The following TAF1D variants were observed in gnomAD, a reference collection of about 807,000 sequenced individuals.
The protein encoded by TAF1D is TATA-box binding protein associated factor, RNA polymerase I subunit D.
TAF1D carries 23 observed loss-of-function variants against 26.2 expected under a neutral mutation model. The ratio of observed to expected loss-of-function variants is 0.88; its 90% CI spans 0.63 to 1.25. TAF1D has a LOEUF of 1.25. TAF1D is among the 50% of genes most tolerant of loss of function. The pLI is 0.00. For missense variants in TAF1D, 299 were observed against 322.0 expected (o/e 0.93, Z 0.55); for synonymous variants, 100 against 105.6 (o/e 0.95, Z 0.33).
rs78828455 is a variant in TAF1D at position 93,741,483 on chromosome 11, G to C, written c.-189C>G. 3,613 of 456,138 alleles carry C rather than the reference G, an allele frequency of 7.9e-3. 111 individuals are homozygous for C. The highest frequency in any genetic ancestry group is 0.066 in the African/African-American group (3,292 of 50,146). The allele number at this position is 456,138 out of a possible 1,614,324, so 28.3% of individuals were successfully genotyped here. The stretch of plus-strand genomic sequence containing the variant: ...TAACCAGCCGACCTCCTCCAACCGT[G>C]CGGAAGAAAAGGGTTGGCTATTTCC... On this transcript the variant is annotated 5_prime_UTR_variant, in exon 1 of 6. Transcript: ENST00000448108.
Position 93,737,325 on chromosome 11 carries a change from C to G in TAF1D, c.460-86G>C, listed in dbSNP as rs115489651. 3.4e-4 allele frequency: 302 copies of G among 890,692 alleles called. No homozygotes were observed. The African/African-American group carries it at 4.3e-3, about 13-fold the overall frequency. 55.2% of individuals were successfully genotyped at this position (890,692 alleles called of 1,614,324 possible). The stretch of plus-strand genomic sequence containing the variant: ...TATGTTCAAAAAGGGCAATGCCCCC[C>G]CTTAGCAAAGACTCTGAATTTGCTA... On this transcript the variant is annotated intron_variant, in intron 3 of 5. Coordinates refer to ENST00000448108, the MANE Select transcript of TAF1D (RefSeq NM_024116.4).
Position 93,739,942 on chromosome 11 carries a change from TAG to T in TAF1D, c.-27-613_-27-612del, listed in dbSNP as rs565603658. Among the ~76,000 whole-genome samples, 584 of 113,218 alleles carry T rather than the reference TAG, an allele frequency of 5.2e-3. 3 individuals carry two copies. The highest frequency in any genetic ancestry group is 0.011 in the Middle Eastern group (1 of 94). 74.3% of individuals were successfully genotyped at this position (113,218 alleles called of 152,430 possible). On this transcript the variant is annotated intron_variant, in intron 1 of 5. Transcript: ENST00000448108. ...AATTCTTGTGTCTTCATCCCCATGG[TAG>T]AGAGTATACAACATACCAAAAAAAA...
At chr11:93,739,583 CAA>C (rs1402410939) in intron 1 of TAF1D, among the ~76,000 whole-genome samples, 1 of 152,182 alleles carries the variant, frequency 6.6e-6, no homozygotes, top group African/African-American at 2.4e-5. Context: ...TCCCTTCCAA[CAA>C]AAGCATCTTT....
chr11:93,735,143 C>T (rs1565240847), downstream of TAF1D: 1 of 1,351,020 alleles, frequency 7.4e-7, no homozygotes, highest in Non-Finnish European at 9.8e-7. Context: ...AAAACTCATA[C>T]TGAACAATGA....
At chr11:93,739,018 ATTT>A in intron 2 of TAF1D, 1 of 543,004 alleles carries the variant, frequency 1.8e-6, no homozygotes. Flanking sequence ...CAAAGAATAC[ATTT>A]TTTCTCGACG....
At chr11:93,731,219 G>A (rs1165196312), downstream of TAF1D, 2 of 396,926 alleles carry the variant, frequency 5.0e-6, 1 homozygote, top group South Asian at 4.0e-5. Context: ...AAATTCACCT[G>A]TGGAAAAATG....
intron 3 of TAF1D, 28 bp from the exon 4 acceptor site, chr11:93,737,267 T>A: frequency 6.6e-7 from 1 of 1,516,424 alleles, no homozygotes; most frequent in Non-Finnish European, 8.9e-7. Context: ...CATAAGTATG[T>A]CGAGATTTTA....
chr11:93,735,244 A>G (rs768746680), downstream of TAF1D: 1 of 1,347,154 alleles, frequency 7.4e-7, no homozygotes, highest in South Asian at 1.1e-5. Context: ...GCAGTCCCAA[A>G]ATGCACTACA....
chr11:93,736,971 A>C (rs898350238), intron 4 of TAF1D, 93 bp downstream of exon 4: 107 of 1,204,186 alleles, frequency 8.9e-5, no homozygotes, highest in Non-Finnish European at 1.2e-4. Context: ...TCATTATTTA[A>C]GTATAACTAT....
chr11:93,735,075 T>C, downstream of TAF1D: 2 of 1,308,698 alleles, frequency 1.5e-6, no homozygotes, highest in East Asian at 4.7e-5. Context: ...TTTATGGCTA[T>C]CAATACTCCC....
downstream of TAF1D, chr11:93,735,214 A>T (rs117606882): frequency 5.6e-4 from 752 of 1,351,796 alleles, 8 homozygotes; most frequent in East Asian, 0.016. Context: ...TGTCCACGTT[A>T]AACAAAAACA....
chr11:93,733,381 G>C (rs749944312), downstream of TAF1D: 3 of 518,908 alleles, frequency 5.8e-6, no homozygotes, highest in Non-Finnish European at 1.2e-5. Context: ...GTACAGATGT[G>C]TGGAGTATGC....
chr11:93,735,399 T>C (rs910504529), downstream of TAF1D: 50 of 937,846 alleles, frequency 5.3e-5, no homozygotes, highest in African/African-American at 7.5e-4. Flanking sequence ...AAAGTAGTAT[T>C]AGGCCAGGTG....
At chr11:93,730,316 T>C (rs766201650) in exon 12 of TAF1D, 2 of 1,248,888 alleles carry the variant, frequency 1.6e-6, no homozygotes, top group South Asian at 2.6e-5. Context: ...ATATGTAGCA[T>C]TAGACAAAAT....
At chr11:93,734,875 C>T (rs182542195), downstream of TAF1D, 215 of 810,404 alleles carry the variant, frequency 2.7e-4, 1 homozygote, top group African/African-American at 3.7e-3. Context: ...TCTGCCTCAG[C>T]CTCCCCCCTT....
chr11:93,735,021 G>T, downstream of TAF1D: 2 of 1,239,108 alleles, frequency 1.6e-6, no homozygotes, highest in Non-Finnish European at 2.1e-6. Flanking sequence ...ACCTTGGTGT[G>T]GGGATTGCAG....
downstream of TAF1D, chr11:93,730,717 A>G (rs1938468563): frequency 2.0e-6 from 1 of 502,896 alleles, no homozygotes; most frequent in South Asian, 1.4e-5. Flanking sequence ...TCAGCCCTAC[A>G]TAACAATAGT....
chr11:93,730,721 C>T, downstream of TAF1D: 1 of 498,522 alleles, frequency 2.0e-6, no homozygotes, highest in Non-Finnish European at 3.9e-6. Flanking sequence ...CCCTACATAA[C>T]AATAGTATAA....
downstream of TAF1D, chr11:93,731,542 C>T (rs911124664): frequency 1.5e-5 from 8 of 518,792 alleles, no homozygotes; most frequent in Non-Finnish European, 2.7e-5. Context: ...CCCTTCAGAG[C>T]AGTTGAACAT....
Sources: allele counts gnomAD v4.1 joint callset (sites outside exome capture counted in the v4.1 genomes callset), GRCh38; gene constraint gnomAD v4.1.1; transcripts MANE v1.5; gene names NCBI Gene and HGNC (gene_info 2026-07-23, HGNC 2026-07-21).